Variants in IQCM observed in about 807,000 individuals in gnomAD.
IQCM encodes the protein IQ domain-containing protein M.
Under a neutral mutation model 57.6 loss-of-function variants are expected in IQCM, and 45 were observed. That is an observed-to-expected ratio of 0.78 (90% CI 0.62 to 1.00). IQCM has a LOEUF of 1.00. IQCM is among the 50% of genes least tolerant of loss of function. IQCM has a pLI of 0.00. For missense variants in IQCM, 468 were observed against 511.6 expected, an observed-to-expected ratio of 0.91 and a Z score of 0.82; for synonymous variants, 148 against 158.9, an observed-to-expected ratio of 0.93 and a Z score of 0.51.
At chr4:149,473,108 C>G (rs1739767387) in intron 12 of IQCM, among the ~76,000 whole-genome samples, 1 of 152,118 alleles carries the variant, frequency 6.6e-6, no homozygotes, top group Non-Finnish European at 1.5e-5. Context: ...GCAACAAAAG[C>G]CAAAATTGAC....
intron 11 of IQCM, among the ~76,000 whole-genome samples, chr4:149,549,230 T>C (rs1294502912): frequency 6.6e-6 from 1 of 152,136 alleles, no homozygotes; most frequent in African/African-American, 2.4e-5. Flanking sequence ...GCAAGAAAAT[T>C]GATGGCCGGG....
rs573633322 is a variant in IQCM at position 149,498,467 on chromosome 4, T to C, written c.1228+49988A>G. On this transcript the variant is annotated intron_variant, in intron 12 of 13. Transcript: ENST00000636793. ...GGAAAGTAGCCAGGCTTCGACTTCC[T>C]TGTAGGCATTTCAACCAAGAAAACT... Among the ~76,000 whole-genome samples the C allele has an allele frequency of 4.1e-4, 63 of 152,248 alleles. 1 individual carries two copies. The South Asian group carries it at 0.012, about 28-fold the overall frequency.
At chr4:149,382,469 T>A (rs1731144215) in intron 13 of IQCM, among the ~76,000 whole-genome samples, 1 of 152,170 alleles carries the variant, frequency 6.6e-6, no homozygotes, top group Non-Finnish European at 1.5e-5. Context: ...CTTGGTAAAC[T>A]GATTATAATG....
At chr4:149,771,041 T>C (rs555193731) in intron 2 of IQCM, among the ~76,000 whole-genome samples, 2 of 152,106 alleles carry the variant, frequency 1.3e-5, no homozygotes, top group Non-Finnish European at 2.9e-5. Flanking sequence ...TCATGATTTA[T>C]ATTTTCCATC....
intron 7 of IQCM, among the ~76,000 whole-genome samples, chr4:149,671,959 T>C (rs1485608359): frequency 2.0e-5 from 3 of 152,166 alleles, no homozygotes; most frequent in African/African-American, 4.8e-5. Context: ...CATTTGCCCC[T>C]CTGCAATATT....
At chr4:149,623,032 AT>A (rs369275325) in intron 7 of IQCM, among the ~76,000 whole-genome samples, 3 of 152,344 alleles carry the variant, frequency 2.0e-5, no homozygotes, top group African/African-American at 7.2e-5. Flanking sequence ...TATATTGAAC[AT>A]TCCCAACACA....
chr4:149,698,445 G>A lies in IQCM; in HGVS notation c.386-11977C>T, dbSNP rs529562501. ...GAAACTCAGCCAAGAACTGAGGGCA[G>A]AGCTGAATTAAATGCTTAAGAATAT... On this transcript the variant is annotated intron_variant, in intron 5 of 13. Coordinates refer to ENST00000636793, the MANE Select transcript of IQCM (RefSeq NM_001363507.2). 2.0e-5 allele frequency among the ~76,000 whole-genome samples: 3 copies of A among 152,190 alleles called. No homozygotes were observed. In the South Asian group the frequency reaches 6.2e-4, roughly 32 times the overall value.
intron 5 of IQCM, among the ~76,000 whole-genome samples, chr4:149,730,054 T>C (rs1414022746): frequency 6.6e-6 from 1 of 152,188 alleles, no homozygotes; most frequent in East Asian, 1.9e-4. Context: ...GCTCAGTAGG[T>C]ACATGGTCTA....
At chr4:149,363,374 T>C (rs1287893359) in intron 13 of IQCM, among the ~76,000 whole-genome samples, 1 of 152,238 alleles carries the variant, frequency 6.6e-6, no homozygotes, top group Non-Finnish European at 1.5e-5. Context: ...GAATTCCATG[T>C]TGCAGTCTAG....
intron 10 of IQCM, among the ~76,000 whole-genome samples, chr4:149,555,059 T>C (rs1384325276): frequency 6.6e-6 from 1 of 152,150 alleles, no homozygotes; most frequent in East Asian, 1.9e-4. Context: ...TGAAATAATA[T>C]TTTTTGTTTA....
At chr4:149,640,170 T>G (rs2150112980) in intron 7 of IQCM, among the ~76,000 whole-genome samples, 1 of 152,304 alleles carries the variant, frequency 6.6e-6, no homozygotes, top group Middle Eastern at 3.4e-3. Context: ...TGTGGGTACA[T>G]AGTAGGCATA....
intron 2 of IQCM, among the ~76,000 whole-genome samples, chr4:149,802,395 A>G (rs1773684004): frequency 1.3e-5 from 2 of 152,004 alleles, no homozygotes; most frequent in Admixed American, 1.3e-4. Context: ...ACTGACACCA[A>G]GTAGCCATAA....
chr4:149,444,075 G>A (rs976650622), intron 12 of IQCM, among the ~76,000 whole-genome samples: 1 of 151,780 alleles, frequency 6.6e-6, no homozygotes, highest in African/African-American at 2.4e-5. Context: ...GCATAACATA[G>A]TATTTTAGCC....
intron 7 of IQCM, among the ~76,000 whole-genome samples, chr4:149,656,516 C>T (rs1759650710): frequency 6.6e-6 from 1 of 152,116 alleles, no homozygotes; most frequent in Non-Finnish European, 1.5e-5. Context: ...TGTTGTGATA[C>T]AGTGGATTCC....
chr4:149,397,825 A>C (rs114308669), intron 13 of IQCM, among the ~76,000 whole-genome samples: 2,260 of 151,664 alleles, frequency 0.015, 67 homozygotes, highest in African/African-American at 0.052. Flanking sequence ...TCAGAGATTA[A>C]CCCCTTATCA....
intron 13 of IQCM, among the ~76,000 whole-genome samples, chr4:149,383,068 A>C (rs2111043250): frequency 6.6e-6 from 1 of 152,162 alleles, no homozygotes; most frequent in South Asian, 2.1e-4. Context: ...CCAATGAGAC[A>C]ACACCAGGAT....
chr4:149,810,540 C>T (rs1249832208), intron 2 of IQCM, among the ~76,000 whole-genome samples: 1 of 151,902 alleles, frequency 6.6e-6, no homozygotes, highest in Non-Finnish European at 1.5e-5. Context: ...ACCTCTGCCT[C>T]CCAGGTTCAA....
At chr4:149,642,146 G>A (rs147223645) in intron 7 of IQCM, among the ~76,000 whole-genome samples, 1 of 152,174 alleles carries the variant, frequency 6.6e-6, no homozygotes, top group Non-Finnish European at 1.5e-5. Context: ...TTAATAAATG[G>A]CACTTTGAAG....
intron 12 of IQCM, among the ~76,000 whole-genome samples, chr4:149,469,811 C>A (rs950918549): frequency 6.6e-6 from 1 of 152,096 alleles, no homozygotes; most frequent in Admixed American, 6.5e-5. Context: ...AGAGTGGAGA[C>A]CAATATTCAA....
Sources: gnomAD v4.1 joint callset for allele counts (sites outside exome capture counted in the v4.1 genomes callset) on GRCh38, gnomAD v4.1.1 for gene constraint, MANE v1.5 for transcripts, NCBI Gene and HGNC (gene_info 2026-07-23, HGNC 2026-07-21) for gene names.